DCLRE1C: variants seen among roughly 807,000 people sequenced by gnomAD.
DCLRE1C encodes the protein protein artemis.
DCLRE1C carries 47 observed loss-of-function variants against 61.4 expected under a neutral mutation model. The ratio of observed to expected loss-of-function variants is 0.77; its 90% CI spans 0.61 to 0.98. DCLRE1C has a LOEUF of 0.98. DCLRE1C is among the 50% of genes least tolerant of loss of function. DCLRE1C has a pLI of 0.00. For synonymous variants in DCLRE1C, 337 were observed against 287.6 expected, an observed-to-expected ratio of 1.17 and a Z score of -1.74; for missense variants, 858 against 816.0, an observed-to-expected ratio of 1.05 and a Z score of -0.63.
At chr10:14,917,400 T>C (rs1836370429) in intron 13 of DCLRE1C, among the ~76,000 whole-genome samples, 1 of 152,002 alleles carries the variant, frequency 6.6e-6, no homozygotes, top group Admixed American at 6.6e-5. Context: ...AAATTTAAAA[T>C]TTCTGCTCTT....
intron 8 of DCLRE1C, 22 bp from the exon 9 acceptor site, chr10:14,932,977 T>C (rs773100135): frequency 1.1e-5 from 17 of 1,608,268 alleles, no homozygotes; most frequent in Non-Finnish European, 1.4e-5. Context: ...AATACATACA[T>C]GCAAATTATG....
downstream of DCLRE1C, among the ~76,000 whole-genome samples, chr10:14,900,183 TCCTTA>T (rs1471824180): frequency 1.3e-5 from 2 of 152,234 alleles, no homozygotes; most frequent in Non-Finnish European, 2.9e-5. Flanking sequence ...TTAGTATTCT[TCCTTA>T]CCTTTTAATG....
chr10:14,950,357 C>CAAA (rs1196056427), intron 1 of DCLRE1C, among the ~76,000 whole-genome samples: 12 of 71,274 alleles, frequency 1.7e-4, no homozygotes, highest in African/African-American at 5.8e-4. Flanking sequence ...AAATAATAAC[C>CAAA]AAAAAAAAAA....
chr10:14,914,901 C>A (rs1835909608), intron 13 of DCLRE1C, among the ~76,000 whole-genome samples: 1 of 151,560 alleles, frequency 6.6e-6, no homozygotes, highest in Admixed American at 6.6e-5. Flanking sequence ...GATTGTGTGA[C>A]TGCACTCCAG....
chr10:14,954,067 C>G lies in DCLRE1C; in HGVS notation c.-57G>C, dbSNP rs1172561426. The G allele has an allele frequency of 1.4e-5, 22 of 1,607,788 alleles. No individual in the cohort carries two copies. Among genetic ancestry groups the G allele is most frequent in the Non-Finnish European group, 1.9e-5 (22 of 1,178,448 alleles). ...AAACCGCAGCTGAAGCCAAGGCCAGCCCTGACCGCGCCGCCACTTCCGGGA... is the reference window on the plus strand; with the variant it reads ...AAACCGCAGCTGAAGCCAAGGCCAGGCCTGACCGCGCCGCCACTTCCGGGA... On this transcript the variant is annotated 5_prime_UTR_variant, in exon 1 of 14. Transcript: ENST00000378278.
At chr10:14,944,372 T>A (rs552978632) in intron 3 of DCLRE1C, among the ~76,000 whole-genome samples, 1 of 152,038 alleles carries the variant, frequency 6.6e-6, no homozygotes, top group South Asian at 2.1e-4. Flanking sequence ...GGTGGTGGGA[T>A]TCTGTAGTCC....
In DCLRE1C at chr10:14,912,198, G is replaced by C. The variant is rs1588915647; in HGVS notation, c.1157-2868C>G. Among the ~76,000 whole-genome samples the C allele has an allele frequency of 2.0e-5, 3 of 152,194 alleles. No homozygotes were observed. The South Asian group carries it at 6.2e-4, about 32-fold the overall frequency. On this transcript the variant is annotated intron_variant, in intron 13 of 13. Coordinates refer to ENST00000378278, the MANE Select transcript of DCLRE1C (RefSeq NM_001033855.3). ...GCCTAAGTGCTAGAATTACAGGCTT[G>C]AGCCACTGTGCCCAGCCTAATTTTT...
At chr10:14,934,580 C>T in intron 7 of DCLRE1C, 60 bp from the exon 8 acceptor site, 1 of 1,613,994 alleles carries the variant, frequency 6.2e-7, no homozygotes, top group Non-Finnish European at 8.5e-7. Context: ...CCTTTTCCTT[C>T]CCAACAGTCC....
chr10:14,953,742 C>T (rs1032640933), intron 1 of DCLRE1C, among the ~76,000 whole-genome samples, 160 bp downstream of exon 1: 1 of 152,172 alleles, frequency 6.6e-6, no homozygotes, highest in African/African-American at 2.4e-5. Context: ...TAGATGAAGC[C>T]TTTGAGAGGC....
chr10:14,940,971 C>T (rs1039440015), intron 3 of DCLRE1C, among the ~76,000 whole-genome samples: 1 of 152,244 alleles, frequency 6.6e-6, no homozygotes, highest in South Asian at 2.1e-4. Flanking sequence ...CAACCTCTGC[C>T]TCCCAGGTTC....
At position 14,907,713 on chromosome 10, in the gene DCLRE1C, A is replaced by G. The variant is rs989702398; in HGVS notation, c.*695T>C. ...GTTTTTCCATCCTTTTAACCTATCA[A>G]TCACTTGAATTGACTTTCTTTATAG... On this transcript the variant is annotated 3_prime_UTR_variant, in exon 14 of 14. Transcript: ENST00000378278. Among the ~76,000 whole-genome samples, 9 of 151,930 alleles carry G rather than the reference A, an allele frequency of 5.9e-5. No homozygotes were observed. The highest frequency in any genetic ancestry group is 1.5e-4 in the African/African-American group (6 of 41,330).
intron 4 of DCLRE1C, among the ~76,000 whole-genome samples, chr10:14,936,879 A>T (rs1448452785): frequency 6.6e-6 from 1 of 152,214 alleles, no homozygotes; most frequent in Non-Finnish European, 1.5e-5. Context: ...AGCATTCTTC[A>T]TACTAGCCAA....
intron 13 of DCLRE1C, among the ~76,000 whole-genome samples, chr10:14,918,577 T>C (rs1836581887): frequency 6.6e-6 from 1 of 151,098 alleles, no homozygotes; most frequent in East Asian, 1.9e-4. Context: ...TATCAAATTG[T>C]ACACCTTACA....
intron 11 of DCLRE1C, among the ~76,000 whole-genome samples, chr10:14,925,406 G>C (rs2066325): frequency 0.4 from 60,089 of 151,786 alleles, 13,443 homozygotes; most frequent in African/African-American, 0.61. Flanking sequence ...GGCATCAATA[G>C]CGCCAATTCT....
intron 9 of DCLRE1C, among the ~76,000 whole-genome samples, chr10:14,929,083 T>C (rs2130864963): frequency 6.6e-6 from 1 of 152,274 alleles, no homozygotes; most frequent in South Asian, 2.1e-4. Flanking sequence ...CCCAGACCCT[T>C]GTACCAGTCT....
intron 13 of DCLRE1C, among the ~76,000 whole-genome samples, chr10:14,915,430 C>A (rs1456102625): frequency 6.6e-6 from 1 of 151,870 alleles, no homozygotes; most frequent in African/African-American, 2.4e-5. Context: ...AGAGAAGACA[C>A]AAACTACTAA....
chr10:14,945,093 A>C lies in DCLRE1C; in HGVS notation c.246+12T>G. The C allele has an allele frequency of 1.9e-6, 3 of 1,599,566 alleles. No individual in the cohort carries two copies. Among genetic ancestry groups the C allele is most frequent in the Non-Finnish European group, 2.6e-6 (3 of 1,172,262 alleles). On this transcript the variant is annotated intron_variant, in intron 3 of 13. Coordinates refer to ENST00000378278, the MANE Select transcript of DCLRE1C (RefSeq NM_001033855.3). The stretch of plus-strand genomic sequence containing the variant: ...TTAAAAAAAATTAAGTTATTAAAAA[A>C]ATAAAACTTACAATTCGTTTCTTCC...
intron 13 of DCLRE1C, 69 bp from the exon 14 acceptor site, chr10:14,909,399 A>C: frequency 2.1e-6 from 3 of 1,417,640 alleles, no homozygotes; most frequent in Non-Finnish European, 2.9e-6. Context: ...ATTTATCTGT[A>C]CTTTTAATTC....
chr10:14,933,991 G>C (rs911605303), intron 8 of DCLRE1C, among the ~76,000 whole-genome samples: 2 of 152,124 alleles, frequency 1.3e-5, no homozygotes, highest in Non-Finnish European at 2.9e-5. Flanking sequence ...CAGGCGAGGA[G>C]GGGGAGGAAA....
Sources: allele counts gnomAD v4.1 joint callset (sites outside exome capture counted in the v4.1 genomes callset), GRCh38; gene constraint gnomAD v4.1.1; transcripts MANE v1.5; gene names NCBI Gene and HGNC (gene_info 2026-07-23, HGNC 2026-07-21).